CLASP2: variants seen among roughly 807,000 people sequenced by gnomAD.
The protein encoded by CLASP2 is cytoplasmic linker associated protein 2, also known as CLIP-associating protein 2.
Under a neutral mutation model 194.4 loss-of-function variants are expected in CLASP2, and 47 were observed. That is an observed-to-expected ratio of 0.24 (90% CI 0.19 to 0.31). CLASP2 has a LOEUF of 0.31. CLASP2 is among the 10% of genes least tolerant of loss of function. CLASP2 has a pLI of 1.00. For synonymous variants in CLASP2, 619 were observed against 633.5 expected (o/e 0.98, Z 0.34); for missense variants, 1,445 against 1,823.6 (o/e 0.79, Z 3.78).
intron 25 of CLASP2, among the ~76,000 whole-genome samples, chr3:33,572,378 T>C (rs2063951449): frequency 2.0e-5 from 3 of 152,206 alleles, no homozygotes; most frequent in Admixed American, 2.0e-4. Flanking sequence ...TTAAATTATA[T>C]AGTTCTAATA....
At chr3:33,652,539 T>A (rs1293135053) in intron 7 of CLASP2, among the ~76,000 whole-genome samples, 1 of 152,132 alleles carries the variant, frequency 6.6e-6, no homozygotes, top group East Asian at 1.9e-4. Context: ...ACCCAACAAT[T>A]AAATGTTGAA....
chr3:33,623,866 C>G (rs2077525570), intron 10 of CLASP2, among the ~76,000 whole-genome samples: 1 of 151,988 alleles, frequency 6.6e-6, no homozygotes, highest in Non-Finnish European at 1.5e-5. Context: ...CCATACTGTT[C>G]TCCCTGCATG....
At chr3:33,671,663 G>C (rs1436130002) in intron 6 of CLASP2, among the ~76,000 whole-genome samples, 1 of 152,220 alleles carries the variant, frequency 6.6e-6, no homozygotes, top group Non-Finnish European at 1.5e-5. Flanking sequence ...GGAAGCACAA[G>C]GGGTCAGGGA....
intron 18 of CLASP2, among the ~76,000 whole-genome samples, chr3:33,599,791 G>A (rs1288135569): frequency 1.3e-5 from 2 of 152,152 alleles, no homozygotes; most frequent in Non-Finnish European, 2.9e-5. Flanking sequence ...AGAAAGGGAA[G>A]GAGGGTAAGA....
rs572589593 is a variant in CLASP2, at chr3:33,691,297, A to G, written c.275-1365T>C. Among the ~76,000 whole-genome samples, 27 of 152,342 alleles carry G rather than the reference A, an allele frequency of 1.8e-4. No individual in the cohort carries two copies. In the South Asian group the frequency reaches 5.4e-3, roughly 30 times the overall value. ...AGGAGAAAGAAACAGATCAAGAAAA[A>G]TATTTCCCTGGTTTATTTATAGACA... On this transcript the variant is annotated intron_variant, in intron 2 of 38. Coordinates refer to ENST00000682230, the MANE Select transcript of CLASP2 (RefSeq NM_001365631.1).
intron 12 of CLASP2, among the ~76,000 whole-genome samples, chr3:33,619,160 A>G (rs1441626755): frequency 1.3e-5 from 2 of 152,232 alleles, no homozygotes; most frequent in Non-Finnish European, 1.5e-5. Flanking sequence ...GTAGTAAAGT[A>G]GTAAAGGTAC....
intron 8 of CLASP2, among the ~76,000 whole-genome samples, chr3:33,643,995 A>G (rs2081838507): frequency 6.6e-6 from 1 of 152,144 alleles, no homozygotes; most frequent in South Asian, 2.1e-4. Flanking sequence ...AGGAAAAGAG[A>G]AAGAGATTAC....
At chr3:33,643,233 T>C (rs2081642567) in intron 8 of CLASP2, among the ~76,000 whole-genome samples, 1 of 151,866 alleles carries the variant, frequency 6.6e-6, no homozygotes, top group Admixed American at 6.6e-5. Context: ...TCATAAAATG[T>C]TATATATTAT....
intron 26 of CLASP2, among the ~76,000 whole-genome samples, chr3:33,568,323 T>C (rs1023942054): frequency 1.4e-4 from 21 of 152,014 alleles, no homozygotes; most frequent in African/African-American, 5.1e-4. Flanking sequence ...GGGGACACAA[T>C]GGACAGATCA....
intron 27 of CLASP2, chr3:33,563,835 A>G: frequency 2.2e-6 from 1 of 452,958 alleles, no homozygotes. Flanking sequence ...ATACCTGGAC[A>G]AGTTTCTAAC....
intron 4 of CLASP2, 141 bp downstream of exon 4, chr3:33,688,136 C>A (rs1282519334): frequency 5.4e-6 from 3 of 554,424 alleles, no homozygotes; most frequent in Non-Finnish European, 9.4e-6. Context: ...AAAAAATGAA[C>A]AGTAAAGGTA....
At chr3:33,686,967 C>G (rs1384624993) in intron 5 of CLASP2, 93 bp downstream of exon 5, 2 of 683,846 alleles carry the variant, frequency 2.9e-6, no homozygotes, top group African/African-American at 3.7e-5. Flanking sequence ...CCCCTCCACC[C>G]TCTCTCTTCT....
chr3:33,573,831 C>T (rs922514937), intron 24 of CLASP2, among the ~76,000 whole-genome samples: 16 of 152,206 alleles, frequency 1.1e-4, no homozygotes, highest in Non-Finnish European at 2.1e-4. Context: ...CCTTTTACCT[C>T]CATTACCACT....
chr3:33,515,504 G>T (rs1278809049), intron 36 of CLASP2, among the ~76,000 whole-genome samples: 1 of 152,134 alleles, frequency 6.6e-6, no homozygotes, highest in East Asian at 1.9e-4. Flanking sequence ...CCAAAAATCA[G>T]CCAGTTGTGC....
At position 33,718,052 on chromosome 3, in the gene CLASP2, C is replaced by G. The variant is rs1460174392; in HGVS notation, c.-50G>C. 9.0e-6 allele frequency: 13 copies of G among 1,438,784 alleles called. No individual in the cohort carries two copies. The highest frequency in any genetic ancestry group is 1.1e-5 in the Non-Finnish European group (12 of 1,103,702). 89.1% of individuals were successfully genotyped at this position (1,438,784 alleles called of 1,614,324 possible). A position where few individuals can be genotyped will look rare whatever the true frequency, so the allele number is the denominator to read the frequency against. ...CAGTCTGTGAGCGGCCAACTTTCGCCGAGAGCCGCCCAGCCTCCAGTGCGG... is the reference window on the plus strand; with the variant it reads ...CAGTCTGTGAGCGGCCAACTTTCGCGGAGAGCCGCCCAGCCTCCAGTGCGG... On this transcript the variant is annotated 5_prime_UTR_variant, in exon 1 of 39. Coordinates refer to ENST00000682230, the MANE Select transcript of CLASP2 (RefSeq NM_001365631.1).
intron 14 of CLASP2, among the ~76,000 whole-genome samples, chr3:33,607,866 C>A (rs1029648725): frequency 1.3e-5 from 2 of 152,154 alleles, no homozygotes; most frequent in East Asian, 3.8e-4. Context: ...TGAATAGTAG[C>A]TGCCACAGAA....
intron 21 of CLASP2, 33 bp from the exon 22 acceptor site, chr3:33,584,953 T>G: frequency 6.5e-7 from 1 of 1,543,270 alleles, no homozygotes; most frequent in Non-Finnish European, 8.7e-7. Context: ...AATGTTAACA[T>G]GTAAATGCCA....
At chr3:33,608,742 A>ATTTT in intron 13 of CLASP2, 116 bp from the exon 14 acceptor site, 2 of 300,078 alleles carry the variant, frequency 6.7e-6, no homozygotes, top group South Asian at 4.8e-5. Flanking sequence ...GTTTTTAGAT[A>ATTTT]TCTTTTTTTT....
At chr3:33,541,804 T>C (rs2058411803) in intron 32 of CLASP2, among the ~76,000 whole-genome samples, 1 of 152,206 alleles carries the variant, frequency 6.6e-6, no homozygotes, top group Admixed American at 6.5e-5. Context: ...CACATACATG[T>C]GCATGTATCT....
Sources: gnomAD v4.1 joint callset for allele counts (sites outside exome capture counted in the v4.1 genomes callset) on GRCh38, gnomAD v4.1.1 for gene constraint, MANE v1.5 for transcripts, NCBI Gene and HGNC (gene_info 2026-07-23, HGNC 2026-07-21) for gene names.